Variants in LDLRAD4 observed in about 807,000 individuals in gnomAD.
The protein encoded by LDLRAD4 is low-density lipoprotein receptor class A domain-containing protein 4.
A neutral mutation model predicts 17.0 loss-of-function variants in LDLRAD4; 5 were observed. That is an observed-to-expected ratio of 0.29 (90% CI 0.15 to 0.62). The LOEUF (loss-of-function observed/expected upper bound fraction) is 0.62, where lower values mean the gene tolerates loss of function less well. Among genes scored for constraint, LDLRAD4 ranks in the 20% least tolerant of loss-of-function variants. LDLRAD4 has a pLI of 0.84. For missense variants in LDLRAD4, 340 were observed against 424.7 expected, an observed-to-expected ratio of 0.80 and a Z score of 1.75; for synonymous variants, 168 against 171.8, an observed-to-expected ratio of 0.98 and a Z score of 0.17.
At chr18:13,263,248 C>CCG (rs1160418130) in intron 1 of LDLRAD4, among the ~76,000 whole-genome samples, 1 of 146,554 alleles carries the variant, frequency 6.8e-6, no homozygotes, top group African/African-American at 2.5e-5. Flanking sequence ...CCGTGCGGCT[C>CCG]TGCGTGGAAA....
intron 2 of LDLRAD4, among the ~76,000 whole-genome samples, chr18:13,424,592 G>A (rs1002265458): frequency 1.3e-5 from 2 of 152,166 alleles, no homozygotes; most frequent in Admixed American, 6.5e-5. Context: ...GGGGATGCGC[G>A]GGTTGCCATG....
At chr18:13,625,028 G>A in intron 4 of LDLRAD4, among the ~76,000 whole-genome samples, 1 of 152,138 alleles carries the variant, frequency 6.6e-6, no homozygotes, top group Non-Finnish European at 1.5e-5. Context: ...GGCCCTGGGA[G>A]TCCAGGCCCT....
chr18:13,590,569 T>C (rs1426541499), intron 3 of LDLRAD4, among the ~76,000 whole-genome samples: 1 of 152,240 alleles, frequency 6.6e-6, no homozygotes, highest in Non-Finnish European at 1.5e-5. Context: ...TCCTCACTGG[T>C]GTCTTTTCCT....
At chr18:13,550,902 A>G (rs75391591) in intron 3 of LDLRAD4, among the ~76,000 whole-genome samples, 1,889 of 152,086 alleles carry the variant, frequency 0.012, 32 homozygotes, top group African/African-American at 0.041. Flanking sequence ...GCCCCCTCCT[A>G]TGAGTACAGA....
At chr18:13,635,473 G>C (rs1034382983) in intron 4 of LDLRAD4, among the ~76,000 whole-genome samples, 3 of 152,160 alleles carry the variant, frequency 2.0e-5, no homozygotes, top group African/African-American at 7.2e-5. Flanking sequence ...TTCAGTCACT[G>C]TGCTCCAGAT....
At chr18:13,460,887 A>G (rs1479710329) in intron 3 of LDLRAD4, 1 of 152,232 alleles carries the variant, frequency 6.6e-6, no homozygotes, top group Non-Finnish European at 1.5e-5. Context: ...CCAACACCAA[A>G]TGAATCAGCC....
chr18:13,482,308 G>A (rs886926045), intron 3 of LDLRAD4, among the ~76,000 whole-genome samples: 6 of 152,178 alleles, frequency 3.9e-5, no homozygotes, highest in African/African-American at 1.4e-4. Flanking sequence ...CTCTGCCAGG[G>A]ACAGGACAGG....
At chr18:13,291,414 G>A (rs1599163722) in intron 1 of LDLRAD4, among the ~76,000 whole-genome samples, 1 of 152,312 alleles carries the variant, frequency 6.6e-6, no homozygotes, top group Non-Finnish European at 1.5e-5. Context: ...GTTGGCGCTG[G>A]CAAAAGCCTT....
At chr18:13,232,943 A>T (rs1163909852) in intron 1 of LDLRAD4, among the ~76,000 whole-genome samples, 3 of 152,208 alleles carry the variant, frequency 2.0e-5, no homozygotes, top group Non-Finnish European at 4.4e-5. Flanking sequence ...CCTGAAGGGA[A>T]CAGGAGCCAG....
At chr18:13,447,328 T>C (rs940353814) in intron 3 of LDLRAD4, among the ~76,000 whole-genome samples, 1 of 152,186 alleles carries the variant, frequency 6.6e-6, no homozygotes, top group Non-Finnish European at 1.5e-5. Flanking sequence ...AGGGAGGCGC[T>C]GGCAGCCTCA....
rs140405120 is a variant in LDLRAD4 at position 13,575,291 on chromosome 18, G to T, written c.182-45826G>T. 3.9e-5 allele frequency among the ~76,000 whole-genome samples: 6 copies of T among 152,276 alleles called. No individual in the cohort carries two copies. The East Asian group carries it at 1.2e-3, about 29-fold the overall frequency. On this transcript the variant is annotated intron_variant, in intron 3 of 5. Coordinates refer to ENST00000359446, the Ensembl canonical transcript of LDLRAD4. ...ATTCTTATGCCTTTGCATCCTCATA[G>T]CTTAGCTCCCACTTGTGAGTGAGAA...
intron 1 of LDLRAD4, among the ~76,000 whole-genome samples, chr18:13,272,140 C>A (rs572804884): frequency 7.2e-5 from 11 of 152,214 alleles, no homozygotes; most frequent in Admixed American, 4.6e-4. Context: ...GTGATCCACC[C>A]GCCTCAGCCT....
At chr18:13,330,142 G>A (rs2081773384) in intron 1 of LDLRAD4, among the ~76,000 whole-genome samples, 1 of 152,058 alleles carries the variant, frequency 6.6e-6, no homozygotes, top group Admixed American at 6.5e-5. Flanking sequence ...ATATTTTTTA[G>A]TAGAGATGGG....
At chr18:13,561,895 A>G (rs2094545289) in intron 3 of LDLRAD4, 2 of 152,264 alleles carry the variant, frequency 1.3e-5, no homozygotes, top group African/African-American at 4.8e-5. Context: ...TTTTCTTTAT[A>G]TTAGAGAAAA....
At chr18:13,602,237 A>T (rs2095171745) in intron 3 of LDLRAD4, among the ~76,000 whole-genome samples, 1 of 152,196 alleles carries the variant, frequency 6.6e-6, no homozygotes, top group African/African-American at 2.4e-5. Flanking sequence ...AGACAAGATC[A>T]ATAGAAGCAC....
intron 2 of LDLRAD4, among the ~76,000 whole-genome samples, chr18:13,399,112 G>A (rs1464704112): frequency 6.6e-6 from 1 of 152,078 alleles, no homozygotes; most frequent in Non-Finnish European, 1.5e-5. Flanking sequence ...TACTCAGGAG[G>A]CTTGAGCCTT....
At chr18:13,281,568 G>A (rs764501490) in intron 1 of LDLRAD4, among the ~76,000 whole-genome samples, 2 of 152,210 alleles carry the variant, frequency 1.3e-5, no homozygotes, top group Non-Finnish European at 2.9e-5. Context: ...CACCTGCATG[G>A]GCAGTGGGGA....
chr18:13,391,577 T>G (rs2086276385), intron 2 of LDLRAD4, among the ~76,000 whole-genome samples: 1 of 152,258 alleles, frequency 6.6e-6, no homozygotes, highest in Admixed American at 6.5e-5. Flanking sequence ...AATTTAGAAA[T>G]GATTTTAGTC....
chr18:13,593,058 C>CT (rs2095048413), intron 3 of LDLRAD4, among the ~76,000 whole-genome samples: 1 of 152,152 alleles, frequency 6.6e-6, no homozygotes, highest in Non-Finnish European at 1.5e-5. Context: ...TGGCTCACGC[C>CT]TGTAAGCACT....
Sources: allele counts gnomAD v4.1 joint callset (sites outside exome capture counted in the v4.1 genomes callset), GRCh38; gene constraint gnomAD v4.1.1; transcripts MANE v1.5; gene names NCBI Gene and HGNC (gene_info 2026-07-23, HGNC 2026-07-21).